Variants in PACS2 observed in about 807,000 individuals in gnomAD.
PACS2 encodes the protein phosphofurin acidic cluster sorting protein 2, also known as PACS1-like protein.
PACS2 carries 36 observed loss-of-function variants against 113.0 expected under a neutral mutation model. The observed-to-expected ratio is 0.32, with a 90% CI of 0.24 to 0.42. The LOEUF is 0.42. PACS2 is among the 10% of genes least tolerant of loss of function. PACS2 has a pLI of 1.00. For synonymous variants in PACS2, 589 were observed against 536.1 expected (o/e 1.10, Z -1.36); for missense variants, 1,015 against 1,239.5 (o/e 0.82, Z 2.72).
chr14:105,329,766 A>G lies in PACS2; in HGVS notation c.119+14729A>G, dbSNP rs1365006523. ...AGCTCCCGGACTGCAGGCAGCAGCA[A>G]ACTCTGCCGTGTGGTACTGCTTCTC... On this transcript the variant is annotated intron_variant, in intron 1 of 24. Coordinates refer to ENST00000447393, the MANE Select transcript of PACS2 (RefSeq NM_001100913.3). The surrounding 1 kb of genome is among the most constrained non-coding windows in gnomAD (Gnocchi z 6.4). Among the ~76,000 whole-genome samples, 1 of 152,162 alleles carries G rather than the reference A, an allele frequency of 6.6e-6. No homozygotes were observed. The highest frequency in any genetic ancestry group is 1.9e-4 in the East Asian group (1 of 5,202).
chr14:105,385,584 C>T, intron 18 of PACS2, 101 bp from the exon 19 acceptor site: 1 of 697,494 alleles, frequency 1.4e-6, no homozygotes. Flanking sequence ...ACGCAGGAGC[C>T]CCAGTGAGAT....
intron 22 of PACS2, 34 bp downstream of exon 22, chr14:105,391,800 T>TAA: frequency 1.3e-6 from 2 of 1,558,070 alleles, no homozygotes; most frequent in Non-Finnish European, 1.7e-6. Flanking sequence ...ACGTTTCACT[T>TAA]ACCCGCCCCA....
intron 7 of PACS2, among the ~76,000 whole-genome samples, 184 bp downstream of exon 7, chr14:105,368,723 G>A (rs782742051): frequency 3.9e-5 from 6 of 152,172 alleles, no homozygotes; most frequent in South Asian, 2.1e-4. Flanking sequence ...CCCCTGCCTC[G>A]CCACATCTCC....
chr14:105,352,277 G>T lies in PACS2; in HGVS notation c.208-101G>T, dbSNP rs1053966228. The T allele has an allele frequency of 3.9e-6, 3 of 771,338 alleles. No homozygotes were observed. In the African/African-American group the frequency reaches 5.1e-5, roughly 13 times the overall value. The allele number at this position is 771,338 out of a possible 1,614,324, so 47.8% of individuals were successfully genotyped here. The stretch of plus-strand genomic sequence containing the variant: ...CCTACCACCCCCAGACTGCAGGGCT[G>T]CAATCCTGCCAGTTTTAGAGTGCAG... On this transcript the variant is annotated intron_variant, in intron 2 of 24. Transcript: ENST00000447393.
chr14:105,338,242 C>T (rs1566916234), intron 1 of PACS2, among the ~76,000 whole-genome samples: 1 of 152,230 alleles, frequency 6.6e-6, no homozygotes, highest in African/African-American at 2.4e-5. Flanking sequence ...GGCTGCTCTC[C>T]TTCCAGCTGA....
intron 1 of PACS2, among the ~76,000 whole-genome samples, chr14:105,336,212 T>C (rs1246105392): frequency 6.6e-6 from 1 of 152,234 alleles, no homozygotes; most frequent in Admixed American, 6.5e-5. Flanking sequence ...TAACCATCTG[T>C]GCTCTGTGCG....
chr14:105,362,220 C>T (rs587761727), intron 4 of PACS2, among the ~76,000 whole-genome samples: 64 of 150,790 alleles, frequency 4.2e-4, no homozygotes, highest in South Asian at 2.7e-3. Context: ...AGATCAAGAC[C>T]ATCCTGGCTA....
chr14:105,354,611 G>C lies in PACS2; in HGVS notation c.298-441G>C, dbSNP rs1475529735. On this transcript the variant is annotated intron_variant, in intron 3 of 24. Coordinates refer to ENST00000447393, the MANE Select transcript of PACS2 (RefSeq NM_001100913.3). The surrounding 1 kb of genome is among the most constrained non-coding windows in gnomAD (Gnocchi z 4.2). Reference sequence around the variant, plus strand: ...GTGGTGAGACGTGCAGGCGAGTTGGGTGAACAGGGGGCCTCGGAGGGAGAG... The same window carrying C: ...GTGGTGAGACGTGCAGGCGAGTTGGCTGAACAGGGGGCCTCGGAGGGAGAG... 1.3e-5 allele frequency among the ~76,000 whole-genome samples: 2 copies of C among 152,250 alleles called. No homozygotes were observed. Among genetic ancestry groups the C allele is most frequent in the Non-Finnish European group, 2.9e-5 (2 of 68,040 alleles).
chr14:105,300,991 C>G (rs1038653372), intron 1 of PACS2: 4 of 153,232 alleles, frequency 2.6e-5, no homozygotes, highest in Non-Finnish European at 4.4e-5. Context: ...TGAGCGCAGC[C>G]GAGGACTGGC....
At chr14:105,362,573 A>G (rs1483081783) in intron 4 of PACS2, among the ~76,000 whole-genome samples, 4 of 152,086 alleles carry the variant, frequency 2.6e-5, no homozygotes, top group Non-Finnish European at 2.9e-5. Context: ...ACTTGAGGCC[A>G]GGCGCAGTGG....
In PACS2 at chr14:105,362,371, CG is replaced by C. The variant is rs1477093618; in HGVS notation, c.424-4841del. Among the ~76,000 whole-genome samples, 8 of 148,782 alleles carry C rather than the reference CG, an allele frequency of 5.4e-5. No individual in the cohort carries two copies. The South Asian group carries it at 1.7e-3, about 32-fold the overall frequency. On this transcript the variant is annotated intron_variant, in intron 4 of 24. Transcript: ENST00000447393. ...GGTGGAGCTTGCAGTGAGCCGAGAT[CG>C]CGCCACTGCACTCCAGCCTGGGCGA...
chr14:105,321,160 A>G (rs1341798719), intron 1 of PACS2, among the ~76,000 whole-genome samples: 1 of 152,262 alleles, frequency 6.6e-6, no homozygotes, highest in African/African-American at 2.4e-5. Context: ...TCAGTGTGTC[A>G]ATTTTAATGC....
At chr14:105,343,679 C>T (rs1199368043) in intron 1 of PACS2, among the ~76,000 whole-genome samples, 1 of 150,250 alleles carries the variant, frequency 6.7e-6, no homozygotes, top group Non-Finnish European at 1.5e-5. Flanking sequence ...GGTGAAACGT[C>T]TGTTCAAATA....
At chr14:105,311,255 T>C (rs2058343375), upstream of PACS2, among the ~76,000 whole-genome samples, 1 of 148,542 alleles carries the variant, frequency 6.7e-6, no homozygotes, top group African/African-American at 2.5e-5. Context: ...TGCCCGGCCT[T>C]TTTATTTTTA....
chr14:105,321,905 G>A (rs1450054789), intron 1 of PACS2, among the ~76,000 whole-genome samples: 6 of 149,338 alleles, frequency 4.0e-5, no homozygotes, highest in Non-Finnish European at 8.9e-5. Context: ...TATTCAGCAT[G>A]TATCTAGATT....
intron 1 of PACS2, chr14:105,336,703 G>A (rs1395848903): frequency 1.3e-5 from 2 of 152,422 alleles, no homozygotes; most frequent in Non-Finnish European, 2.9e-5. Flanking sequence ...CTACTTGTGG[G>A]AGGCCACTGT....
chr14:105,368,615 G>T lies in PACS2; in HGVS notation c.741+76G>T, dbSNP rs782716798. The T allele has an allele frequency of 5.0e-4, 561 of 1,114,152 alleles. 1 individual carries two copies. Among genetic ancestry groups the T allele is most frequent in the Middle Eastern group, 2.3e-3 (11 of 4,852 alleles). 69.0% of individuals were successfully genotyped at this position (1,114,152 alleles called of 1,614,324 possible). A position where few individuals can be genotyped will look rare whatever the true frequency, so the allele number is the denominator to read the frequency against. Reference sequence around the variant, plus strand: ...GACGCTGGGAGCCTGGGCGTGGGGGGGACACGGGCGTGGGAAGTGAGATCT... The same window carrying T: ...GACGCTGGGAGCCTGGGCGTGGGGGTGACACGGGCGTGGGAAGTGAGATCT... On this transcript the variant is annotated intron_variant, in intron 7 of 24. Transcript: ENST00000447393.
In PACS2 at chr14:105,348,729, A is replaced by G; in HGVS notation, c.207+149A>G. 1.5e-6 allele frequency: 1 copy of G among 659,894 alleles called. No homozygotes were observed. Among genetic ancestry groups the G allele is most frequent in the Non-Finnish European group, 2.7e-6 (1 of 367,516 alleles). 40.9% of individuals were successfully genotyped at this position (659,894 alleles called of 1,614,324 possible). A position where few individuals can be genotyped will look rare whatever the true frequency, so the allele number is the denominator to read the frequency against. On this transcript the variant is annotated intron_variant, in intron 2 of 24. Coordinates refer to ENST00000447393, the MANE Select transcript of PACS2 (RefSeq NM_001100913.3). The surrounding 1 kb of genome is among the most constrained non-coding windows in gnomAD (Gnocchi z 6.4). ...TCTCCGGGAGCCCGGGGGGCTGGGA[A>G]TGACAGGATGCTCCTGGGTCCAGTC... is the stretch of plus-strand genomic sequence containing the variant.
At position 105,356,192 on chromosome 14, in the gene PACS2, C is replaced by T. The variant is rs2060438996; in HGVS notation, c.423+1015C>T. On this transcript the variant is annotated intron_variant, in intron 4 of 24. Transcript: ENST00000447393. This position sits in a 1 kb window ranked among gnomAD's most constrained non-coding sequence, Gnocchi z 4.0. ...ACCCCCAGGCCCAGCCTGCAGGCCT[C>T]CTGTCTCCCAGGTCAAGCGCTAGGT... Among the ~76,000 whole-genome samples, 1 of 152,116 alleles carries T rather than the reference C, an allele frequency of 6.6e-6. No individual in the cohort carries two copies. The highest frequency in any genetic ancestry group is 6.5e-5 in the Admixed American group (1 of 15,282).
Sources: allele counts gnomAD v4.1 joint callset (sites outside exome capture counted in the v4.1 genomes callset), GRCh38; gene constraint gnomAD v4.1.1; non-coding constraint Gnocchi (gnomAD v3.1); transcripts MANE v1.5; gene names NCBI Gene and HGNC (gene_info 2026-07-23, HGNC 2026-07-21).